The following LGR6 variants were observed in gnomAD, a reference collection of about 807,000 sequenced individuals.
LGR6 encodes the protein leucine rich repeat containing G protein-coupled receptor 6, also known as leucine-rich repeat-containing G protein-coupled receptor 6.
LGR6 carries 45 observed loss-of-function variants against 69.4 expected under a neutral mutation model. The ratio of observed to expected loss-of-function variants is 0.65; its 90% CI spans 0.51 to 0.83. The LOEUF is 0.83. LGR6 is among the 40% of genes least tolerant of loss of function. The probability of loss-of-function intolerance (pLI) is 0.00; values close to 1 mark genes in which losing one functional copy is unlikely to be tolerated. For missense variants in LGR6, 1,108 were observed against 1,246.7 expected (o/e 0.89, Z 1.68); for synonymous variants, 538 against 555.0 (o/e 0.97, Z 0.43).
rs1413602146 is a variant in LGR6, at chr1:202,310,368, A to G, written c.1567+11A>G. On this transcript the variant is annotated intron_variant, in intron 16 of 17. Coordinates refer to ENST00000367278, the MANE Select transcript of LGR6 (RefSeq NM_001017403.2). ...AAGCAGAGAACCACTGTGAGTGACC[A>G]GGGGCCCTGGGTTGGGGAGGGTAGT... The G allele has an allele frequency of 6.2e-7, 1 of 1,612,652 alleles. No homozygotes were observed. Among genetic ancestry groups the G allele is most frequent in the Admixed American group, 1.7e-5 (1 of 59,976 alleles).
At chr1:202,278,337 G>A (rs545030350) in intron 5 of LGR6, among the ~76,000 whole-genome samples, 7 of 152,222 alleles carry the variant, frequency 4.6e-5, no homozygotes, top group African/African-American at 1.7e-4. Flanking sequence ...CCAAGAAGAA[G>A]GGGAGTCATG....
rs1434055772 is a variant in LGR6 at position 202,318,715 on chromosome 1, G to T, written c.2412G>T (p.Thr804=). Residue 804 remains threonine, a synonymous_variant, in exon 18 of 18, where the codon ACG becomes ACT. Coordinates refer to ENST00000367278, the MANE Select transcript of LGR6 (RefSeq NM_001017403.2). ...FASMLGLFPV[T]PEAVKSVLLV... ...CCATGCTGGGCCTCTTCCCTGTCAC[G>T]CCCGAGGCCGTCAAGTCTGTCCTGC... is the stretch of plus-strand genomic sequence containing the variant. 1 of 1,613,364 alleles carries T rather than the reference G, an allele frequency of 6.2e-7. No homozygotes were observed. The highest frequency in any genetic ancestry group is 1.3e-5 in the African/African-American group (1 of 75,020).
At chr1:202,306,761 C>A in intron 12 of LGR6, 107 bp from the exon 13 acceptor site, 2 of 1,004,158 alleles carry the variant, frequency 2.0e-6, no homozygotes, top group Non-Finnish European at 3.1e-6. Flanking sequence ...TCTTCCTGTG[C>A]CAGGAGAAGT....
chr1:202,205,369 A>AACACACATACATCTCCAAAC (rs1659139219), intron 1 of LGR6, among the ~76,000 whole-genome samples: 4 of 762 alleles, frequency 5.2e-3, no homozygotes, highest in Admixed American at 0.014. Flanking sequence ...CACACCTCCA[A>AACACACATACATCTCCAAAC]ACACACACAC....
chr1:202,219,421 G>T (rs2361446), intron 1 of LGR6, among the ~76,000 whole-genome samples: 61,234 of 152,146 alleles, frequency 0.4, 13,431 homozygotes, highest in East Asian at 0.71. Context: ...CACTGCAGGA[G>T]CCAAAGGATT....
At chr1:202,314,655 G>A (rs1212387565) in intron 16 of LGR6, 147 bp from the exon 17 acceptor site, 1 of 638,802 alleles carries the variant, frequency 1.6e-6, no homozygotes, top group Non-Finnish European at 2.9e-6. Context: ...ACCCCCAAGG[G>A]TAGAAATGGA....
intron 1 of LGR6, chr1:202,203,989 G>GGT: frequency 1.3e-6 from 1 of 748,640 alleles, no homozygotes; most frequent in Non-Finnish European, 2.4e-6. Context: ...GTCTTTGTAG[G>GGT]GTGTGTGTGT....
intron 1 of LGR6, 42 bp downstream of exon 1, chr1:202,194,243 C>T: frequency 7.2e-7 from 1 of 1,391,084 alleles, no homozygotes; most frequent in Non-Finnish European, 9.6e-7. Flanking sequence ...CTGCGGGCTG[C>T]TGGCTAGCGC....
rs1659210939 is a variant in LGR6 at position 202,205,967 on chromosome 1, A to AC, written c.212+11767dup. Among the ~76,000 whole-genome samples, 7 of 90,086 alleles carry AC rather than the reference A, an allele frequency of 7.8e-5. 3 individuals carry two copies. The highest frequency in any genetic ancestry group is 2.1e-4 in the African/African-American group (6 of 28,596). 59.1% of individuals were successfully genotyped at this position (90,086 alleles called of 152,430 possible). On this transcript the variant is annotated intron_variant, in intron 1 of 17. Transcript: ENST00000367278. ...CAAGAACACACACACACACAGACAC[A>AC]CAACACACACACACACACACACCCC...
At chr1:202,250,222 C>T (rs1041689358) in intron 4 of LGR6, among the ~76,000 whole-genome samples, 20 of 152,092 alleles carry the variant, frequency 1.3e-4, no homozygotes, top group African/African-American at 4.8e-4. Flanking sequence ...TGAATGTCTC[C>T]TCCTGAAGGA....
At chr1:202,225,289 T>C in intron 1 of LGR6, 134 bp from the exon 2 acceptor site, 3 of 760,972 alleles carry the variant, frequency 3.9e-6, no homozygotes, top group Non-Finnish European at 7.1e-6. Context: ...TCAGACTGGC[T>C]TTGGAGTCAG....
chr1:202,262,355 C>T (rs938552276), intron 4 of LGR6, among the ~76,000 whole-genome samples: 2 of 152,240 alleles, frequency 1.3e-5, no homozygotes, highest in African/African-American at 4.8e-5. Flanking sequence ...AATCCTTTCC[C>T]CATTGCTTGT....
chr1:202,303,806 C>T (rs1353997683), intron 10 of LGR6, among the ~76,000 whole-genome samples: 5 of 152,290 alleles, frequency 3.3e-5, no homozygotes, highest in East Asian at 3.9e-4. Context: ...ATGAAACAAT[C>T]GAGCAAACAC....
intron 4 of LGR6, among the ~76,000 whole-genome samples, chr1:202,272,047 G>A (rs985716809): frequency 6.6e-6 from 1 of 152,130 alleles, no homozygotes; most frequent in Admixed American, 6.5e-5. Flanking sequence ...TGATGGCAAA[G>A]CCCACACCTT....
chr1:202,246,474 T>G (rs1662715114), intron 4 of LGR6, among the ~76,000 whole-genome samples: 1 of 139,846 alleles, frequency 7.2e-6, no homozygotes, highest in Admixed American at 7.5e-5. Context: ...TGTCTGTCCA[T>G]CTGTTTGTTT....
chr1:202,266,351 C>T (rs938945797), intron 4 of LGR6, among the ~76,000 whole-genome samples: 1 of 151,996 alleles, frequency 6.6e-6, no homozygotes, highest in African/African-American at 2.4e-5. Context: ...ACTCTTGAAG[C>T]GAACCCCTCC....
chr1:202,308,662 C>T (rs1160022698), intron 14 of LGR6, among the ~76,000 whole-genome samples: 1 of 152,124 alleles, frequency 6.6e-6, no homozygotes, highest in African/African-American at 2.4e-5. Context: ...TGGGGATAAA[C>T]GACAACAGGA....
intron 4 of LGR6, among the ~76,000 whole-genome samples, chr1:202,258,683 A>T (rs1243487189): frequency 2.0e-5 from 3 of 151,908 alleles, no homozygotes; most frequent in Admixed American, 2.0e-4. Context: ...TTCATCTTGT[A>T]TTTGATCACT....
At chr1:202,317,323 A>G (rs1294557928) in intron 17 of LGR6, among the ~76,000 whole-genome samples, 1 of 146,196 alleles carries the variant, frequency 6.8e-6, no homozygotes, top group African/African-American at 2.5e-5. Context: ...AATTTGTACC[A>G]TGTGTGTGTT....
Sources: gnomAD v4.1 joint callset for allele counts (sites outside exome capture counted in the v4.1 genomes callset) on GRCh38, gnomAD v4.1.1 for gene constraint, MANE v1.5 for transcripts, NCBI Gene and HGNC (gene_info 2026-07-23, HGNC 2026-07-21) for gene names.